BIRC6: variants seen among roughly 807,000 people sequenced by gnomAD.
The protein encoded by BIRC6 is dual E2 ubiquitin-conjugating enzyme/E3 ubiquitin-protein ligase BIRC6.
Under a neutral mutation model 503.3 loss-of-function variants are expected in BIRC6, and 98 were observed. The observed-to-expected ratio is 0.19, with a 90% CI of 0.17 to 0.23. The LOEUF is 0.23. Among genes scored for constraint, BIRC6 ranks in the 10% least tolerant of loss-of-function variants. The pLI, the probability that BIRC6 is intolerant of heterozygous loss-of-function variation, is 1.00. For missense variants in BIRC6, 5,360 were observed against 5,806.0 expected (o/e 0.92, Z 2.50); for synonymous variants, 2,240 against 2,078.7 (o/e 1.08, Z -2.11).
chr2:32,421,171 A>G (rs1479989118), intron 10 of BIRC6, among the ~76,000 whole-genome samples: 3 of 145,244 alleles, frequency 2.1e-5, no homozygotes, highest in Non-Finnish European at 4.5e-5. Context: ...CAGTGGCTCG[A>G]TCTTGGCTAA....
intron 66 of BIRC6, among the ~76,000 whole-genome samples, chr2:32,592,008 C>A (rs1057342159): frequency 6.6e-6 from 1 of 152,182 alleles, no homozygotes; most frequent in Non-Finnish European, 1.5e-5. Flanking sequence ...AGAAGTGACT[C>A]ACTGTTAAAC....
chr2:32,499,526 TCTC>T lies in BIRC6; in HGVS notation c.8469-20_8469-18del. 1 of 1,312,156 alleles carries T rather than the reference TCTC, an allele frequency of 7.6e-7. No individual in the cohort carries two copies. Among genetic ancestry groups the T allele is most frequent in the Admixed American group, 2.7e-5 (1 of 37,452 alleles). 81.3% of individuals were successfully genotyped at this position (1,312,156 alleles called of 1,614,324 possible). On this transcript the variant is annotated intron_variant, in intron 45 of 73. Transcript: ENST00000421745. ...CTCTCTCTCTCTCTCTTTTTCTGTC[TCTC>T]TCTCTCTCTCTCTGCAGGGGTGCTT...
At chr2:32,592,268 G>C (rs916123617) in intron 66 of BIRC6, among the ~76,000 whole-genome samples, 7 of 152,180 alleles carry the variant, frequency 4.6e-5, no homozygotes, top group African/African-American at 1.7e-4. Flanking sequence ...TTATAACTCA[G>C]GGAAGATAAG....
chr2:32,493,445 T>G (rs550832222), intron 44 of BIRC6, 95 bp from the exon 45 acceptor site: 1 of 1,243,496 alleles, frequency 8.0e-7, no homozygotes, highest in East Asian at 2.4e-5. Context: ...AGTTACAGTG[T>G]ATAGCTTTTG....
intron 6 of BIRC6, among the ~76,000 whole-genome samples, chr2:32,399,274 T>C (rs2040336891): frequency 6.6e-6 from 1 of 152,114 alleles, no homozygotes; most frequent in Admixed American, 6.5e-5. Flanking sequence ...TTAGTAGAGA[T>C]GGGGTTTCCC....
chr2:32,531,561 G>T lies in BIRC6; in HGVS notation c.12291+10G>T. On this transcript the variant is annotated intron_variant, in intron 61 of 73. Coordinates refer to ENST00000421745, the MANE Select transcript of BIRC6 (RefSeq NM_016252.4). ...AGAAGTAATTCAACAGGTAAGATAA[G>T]ATTTCCTAATCGAGTATATCATTCC... 1 of 1,597,768 alleles carries T rather than the reference G, an allele frequency of 6.3e-7. No individual in the cohort carries two copies. Among genetic ancestry groups the T allele is most frequent in the Non-Finnish European group, 8.5e-7 (1 of 1,170,170 alleles).
At chr2:32,553,768 A>T (rs1317624175) in intron 65 of BIRC6, among the ~76,000 whole-genome samples, 1 of 152,202 alleles carries the variant, frequency 6.6e-6, no homozygotes, top group Admixed American at 6.5e-5. Flanking sequence ...ATTTAGGCTA[A>T]ATTAATCAGA....
Position 32,371,274 on chromosome 2 carries a change from T to C in BIRC6, c.326-6314T>C, listed in dbSNP as rs141247659. ...TCAGTTTTAAAAGGGACATACCTTATAGGATGTTAGACAGACTAAGGAAAA... is the reference window on the plus strand; with the variant it reads ...TCAGTTTTAAAAGGGACATACCTTACAGGATGTTAGACAGACTAAGGAAAA... On this transcript the variant is annotated intron_variant, in intron 1 of 73. Transcript: ENST00000421745. Among the ~76,000 whole-genome samples, 103 of 145,522 alleles carry C rather than the reference T, an allele frequency of 7.1e-4. 1 individual carries two copies. The East Asian group carries it at 0.019, about 27-fold the overall frequency.
At chr2:32,445,454 C>T (rs988894580) in intron 20 of BIRC6, 67 bp from the exon 21 acceptor site, 20 of 1,381,362 alleles carry the variant, frequency 1.4e-5, no homozygotes, top group Non-Finnish European at 1.9e-5. Context: ...AATAGGTAAT[C>T]TTAAATTCTC....
intron 65 of BIRC6, among the ~76,000 whole-genome samples, chr2:32,572,993 A>C (rs1191518350): frequency 1.3e-5 from 2 of 152,322 alleles, no homozygotes; most frequent in African/African-American, 4.8e-5. Flanking sequence ...GTGGGCACTG[A>C]GGCAATTCCT....
At chr2:32,358,706 G>T (rs1304492462) in intron 1 of BIRC6, among the ~76,000 whole-genome samples, 1 of 152,204 alleles carries the variant, frequency 6.6e-6, no homozygotes, top group African/African-American at 2.4e-5. Context: ...GGATGCAAAC[G>T]TGAAATTAGA....
intron 8 of BIRC6, among the ~76,000 whole-genome samples, chr2:32,404,752 C>T (rs1315488314): frequency 6.6e-6 from 1 of 152,166 alleles, no homozygotes; most frequent in African/African-American, 2.4e-5. Context: ...CCCTTTACCT[C>T]CTGGGCTCAA....
intron 65 of BIRC6, among the ~76,000 whole-genome samples, chr2:32,549,884 G>A (rs2058314650): frequency 6.6e-6 from 1 of 152,074 alleles, no homozygotes; most frequent in African/African-American, 2.4e-5. Context: ...GCAGATACAT[G>A]AATCAAGTCC....
At chr2:32,406,672 A>C (rs2041254205) in intron 9 of BIRC6, 115 bp downstream of exon 9, 2 of 662,608 alleles carry the variant, frequency 3.0e-6, no homozygotes, top group Non-Finnish European at 5.1e-6. Context: ...AATTTTTGCT[A>C]GTATACACAG....
At chr2:32,556,270 G>A (rs1327603978) in intron 65 of BIRC6, among the ~76,000 whole-genome samples, 2 of 152,186 alleles carry the variant, frequency 1.3e-5, no homozygotes, top group African/African-American at 4.8e-5. Context: ...GGGGAGGACA[G>A]GTTGCTTAAA....
chr2:32,431,909 G>A (rs1304306190), intron 12 of BIRC6, among the ~76,000 whole-genome samples: 1 of 152,222 alleles, frequency 6.6e-6, no homozygotes, highest in African/African-American at 2.4e-5. Flanking sequence ...GTAGTAGTTG[G>A]ATAGGAAATT....
intron 5 of BIRC6, among the ~76,000 whole-genome samples, chr2:32,393,557 G>A (rs1298941411): frequency 6.6e-6 from 1 of 152,186 alleles, no homozygotes; most frequent in Non-Finnish European, 1.5e-5. Context: ...GTCAACCCAA[G>A]TTGGAGTGCA....
intron 61 of BIRC6, chr2:32,532,185 A>G (rs1452067848): frequency 2.8e-6 from 1 of 355,906 alleles, no homozygotes; most frequent in Non-Finnish European, 5.9e-6. Context: ...ATTTTGGTAT[A>G]GTAGCTCTAG....
At chr2:32,411,971 G>T (rs1261383974) in intron 9 of BIRC6, among the ~76,000 whole-genome samples, 1 of 151,960 alleles carries the variant, frequency 6.6e-6, no homozygotes, top group African/African-American at 2.4e-5. Context: ...CTGGAAACGG[G>T]GTTTTACTGT....
Sources: gnomAD v4.1 joint callset for allele counts (sites outside exome capture counted in the v4.1 genomes callset) on GRCh38, gnomAD v4.1.1 for gene constraint, MANE v1.5 for transcripts, NCBI Gene and HGNC (gene_info 2026-07-23, HGNC 2026-07-21) for gene names.